Variants in HIVEP1 observed in about 807,000 individuals in gnomAD.
HIVEP1 encodes HIVEP zinc finger 1.
A neutral mutation model predicts 180.0 loss-of-function variants in HIVEP1; 36 were observed. The ratio of observed to expected loss-of-function variants is 0.20; its 90% CI spans 0.15 to 0.26. The LOEUF (loss-of-function observed/expected upper bound fraction) is 0.26, where lower values mean the gene tolerates loss of function less well. Ranked by LOEUF, HIVEP1 falls within the 10% of genes least tolerant of loss-of-function variation. The pLI is 1.00. For synonymous variants in HIVEP1, 1,239 were observed against 1,239.0 expected (o/e 1.00, Z 0.00); for missense variants, 3,143 against 3,268.7 (o/e 0.96, Z 0.94).
At chr6:12,089,074 C>A in intron 2 of HIVEP1, 110 bp from the exon 3 acceptor site, 1 of 580,028 alleles carries the variant, frequency 1.7e-6, no homozygotes, top group Non-Finnish European at 3.1e-6. Flanking sequence ...ATTTATTCAA[C>A]ACATTTTTTA....
chr6:12,007,746 A>G (rs1767087052), upstream of HIVEP1: 1 of 150,928 alleles, frequency 6.6e-6, no homozygotes, highest in African/African-American at 2.4e-5. Context: ...CTCTCCTTCA[A>G]TATCCCACTG....
intron 2 of HIVEP1, 21 bp downstream of exon 2, chr6:12,015,689 GAAGT>G: frequency 6.2e-7 from 1 of 1,604,786 alleles, no homozygotes; most frequent in African/African-American, 1.3e-5. Flanking sequence ...GCATTAAGTA[GAAGT>G]AAGGCTTGCT....
rs146384125 is a variant in HIVEP1, at chr6:12,132,901, A to G, written c.6385+1959A>G. On this transcript the variant is annotated intron_variant, in intron 6 of 8. Transcript: ENST00000379388. Reference sequence around the variant, plus strand: ...AGTCTACTTTTTGTGAATCTATGTAAAACAGATTCCACAGCACCTTTTAAA... The same window carrying G: ...AGTCTACTTTTTGTGAATCTATGTAGAACAGATTCCACAGCACCTTTTAAA... 3.5e-3 allele frequency among the ~76,000 whole-genome samples: 538 copies of G among 152,240 alleles called. 12 individuals carry two copies. The South Asian group carries it at 0.046, about 13-fold the overall frequency.
At chr6:12,201,607 C>A in the HIVEP1 span, among the ~76,000 whole-genome samples, 1 of 152,216 alleles carries the variant, frequency 6.6e-6, no homozygotes, top group African/African-American at 2.4e-5. Context: ...TCGGCTTTCA[C>A]CAATGACTTG....
chr6:12,208,476 C>A, the HIVEP1 span, among the ~76,000 whole-genome samples: 1 of 152,328 alleles, frequency 6.6e-6, no homozygotes, highest in South Asian at 2.1e-4. Context: ...CAGGGCGGTT[C>A]CACCACAGTA....
At position 12,120,271 on chromosome 6, in the gene HIVEP1, T is replaced by C; in HGVS notation, c.476T>C (p.Leu159Pro). 1 of 1,614,180 alleles carries C rather than the reference T, an allele frequency of 6.2e-7. No homozygotes were observed. Among genetic ancestry groups the C allele is most frequent in the South Asian group, 1.1e-5 (1 of 91,070 alleles). The change falls in exon 4 of 9, where the codon CTC becomes CCC. Residue 159 changes from leucine to proline, a missense_variant. Physicochemically the swap from Leu to Pro is moderately conservative, Grantham distance 98. Transcript: ENST00000379388. ...EGADPAKFSD[L>P]DEQCDSSSLS... ...GCTGATCCTGCCAAATTCAGTGACC[T>C]CGATGAACAATGTGACTCAAGTTCC...
rs766477430 is a variant in HIVEP1 at position 12,161,595 on chromosome 6, A to T, written c.6644A>T (p.His2215Leu). ...ATPSVTASPQ[H>L]LPSRSSLQDP... is the part of the protein sequence containing the mutation. Reference sequence around the variant, plus strand: ...CCCTCAGTCACAGCTAGCCCGCAGCACCTTCCATCTAGAAGTAGCCTTCAG... The same window carrying T: ...CCCTCAGTCACAGCTAGCCCGCAGCTCCTTCCATCTAGAAGTAGCCTTCAG... Residue 2215 changes from histidine to leucine, a missense_variant, in exon 8 of 9, where the codon CAC becomes CTC. By Grantham distance (99) the His-to-Leu change is moderately conservative. Around this residue, in one of 12 missense-constraint regions of HIVEP1, gnomAD observed 126 missense variants for 168.5 expected, o/e 0.75. Transcript: ENST00000379388. 4.3e-6 allele frequency: 7 copies of T among 1,614,024 alleles called. No individual in the cohort carries two copies. The African/African-American group carries it at 9.3e-5, about 22-fold the overall frequency.
chr6:12,168,337 A>ATATATACATGTATATGTATATAT (rs1760810824), downstream of HIVEP1, among the ~76,000 whole-genome samples: 1 of 125,882 alleles, frequency 7.9e-6, no homozygotes, highest in Non-Finnish European at 1.7e-5. Flanking sequence ...TTATATAATT[A>ATATATACATGTATATGTATATAT]TATATACATG....
Position 12,141,691 on chromosome 6 carries a change from C to CAAAAAAAAA in HIVEP1, c.6487+5820_6487+5828dup, listed in dbSNP as rs60419579. Among the ~76,000 whole-genome samples the CAAAAAAAAA allele has an allele frequency of 6.3e-3, 121 of 19,246 alleles. 22 individuals are homozygous for CAAAAAAAAA. The highest frequency in any genetic ancestry group is 0.024 in the South Asian group (2 of 84). 12.6% of individuals were successfully genotyped at this position (19,246 alleles called of 152,430 possible). ...GAAGATCTACCAAGCAAATGGAAAG[C>CAAAAAAAAA]AAAAAAAAAAAAAAAAAAAAAAAAA... On this transcript the variant is annotated intron_variant, in intron 7 of 8. Transcript: ENST00000379388.
intron 2 of HIVEP1, among the ~76,000 whole-genome samples, chr6:12,071,109 T>C (rs1771940156): frequency 6.6e-6 from 1 of 152,234 alleles, no homozygotes; most frequent in Non-Finnish European, 1.5e-5. Context: ...CCCCACCCCT[T>C]AGTCTCATGT....
At chr6:12,167,979 G>A (rs219957), downstream of HIVEP1, among the ~76,000 whole-genome samples, 27 of 113,996 alleles carry the variant, frequency 2.4e-4, no homozygotes, top group African/African-American at 9.6e-4. Context: ...ATATATACAT[G>A]TACATGTATA....
chr6:12,066,668 A>C (rs1264105438), intron 2 of HIVEP1, among the ~76,000 whole-genome samples: 1 of 152,230 alleles, frequency 6.6e-6, no homozygotes, highest in Non-Finnish European at 1.5e-5. Context: ...TAGATTATGA[A>C]GATTTAGATG....
chr6:12,183,534 T>C, the HIVEP1 span, among the ~76,000 whole-genome samples: 1 of 152,210 alleles, frequency 6.6e-6, no homozygotes. Context: ...TTTAACTGAG[T>C]TAACTAAGTT....
At chr6:12,065,082 T>C (rs1771483954) in intron 2 of HIVEP1, among the ~76,000 whole-genome samples, 1 of 152,176 alleles carries the variant, frequency 6.6e-6, no homozygotes, top group Admixed American at 6.5e-5. Flanking sequence ...GTGGACAAAT[T>C]GGATGCAACT....
intron 2 of HIVEP1, among the ~76,000 whole-genome samples, chr6:12,082,835 T>G (rs1315002879): frequency 6.6e-6 from 1 of 152,116 alleles, no homozygotes; most frequent in Non-Finnish European, 1.5e-5. Flanking sequence ...CAGGAGCTAA[T>G]GAATACATGC....
intron 2 of HIVEP1, among the ~76,000 whole-genome samples, chr6:12,051,030 A>ATATATATATG (rs1561890477): frequency 7.3e-6 from 1 of 136,854 alleles, no homozygotes. Flanking sequence ...ATATATATAT[A>ATATATATATG]TGTATATTAA....
chr6:12,078,637 AC>A, intron 2 of HIVEP1, among the ~76,000 whole-genome samples: 1 of 33,098 alleles, frequency 3.0e-5, no homozygotes, highest in Non-Finnish European at 5.1e-5. Flanking sequence ...ATATATATAC[AC>A]ACACACACAC....
downstream of HIVEP1, among the ~76,000 whole-genome samples, chr6:12,167,349 C>A (rs970058123): frequency 6.6e-6 from 1 of 151,742 alleles, no homozygotes; most frequent in African/African-American, 2.4e-5. Flanking sequence ...TTTCATCTTA[C>A]ATTTTGCAGT....
intron 3 of HIVEP1, among the ~76,000 whole-genome samples, chr6:12,096,886 A>G (rs1035994666): frequency 6.6e-5 from 10 of 152,114 alleles, no homozygotes; most frequent in African/African-American, 2.2e-4. Context: ...AAGAATGTCA[A>G]TACCATAAGA....
Sources: gnomAD v4.1 joint callset for allele counts (sites outside exome capture counted in the v4.1 genomes callset) on GRCh38, gnomAD v4.1.1 for gene constraint, gnomAD v4.1.1 regional missense constraint, MANE v1.5 for transcripts, NCBI Gene and HGNC (gene_info 2026-07-23, HGNC 2026-07-21) for gene names.